Variants in BLNK observed in about 807,000 individuals in gnomAD.
BLNK encodes B cell linker, also known as B-cell linker protein.
In BLNK, 29 loss-of-function variants were observed where a neutral mutation model predicts 73.5. That is an observed-to-expected ratio of 0.39 (90% CI 0.29 to 0.54). The LOEUF is 0.54. Ranked by LOEUF, BLNK falls within the 20% of genes least tolerant of loss-of-function variation. The probability of loss-of-function intolerance (pLI) is 0.61; values close to 1 mark genes in which losing one functional copy is unlikely to be tolerated. For synonymous variants in BLNK, 176 were observed against 200.8 expected, an observed-to-expected ratio of 0.88 and a Z score of 1.04; for missense variants, 460 against 562.8, an observed-to-expected ratio of 0.82 and a Z score of 1.85.
intron 4 of BLNK, among the ~76,000 whole-genome samples, chr10:96,228,473 T>C (rs994502764): frequency 6.6e-6 from 1 of 152,072 alleles, no homozygotes; most frequent in Non-Finnish European, 1.5e-5. Context: ...GCCAGGCTGG[T>C]CTCAAACTCC....
chr10:96,251,964 G>T (rs1426099056), intron 1 of BLNK, among the ~76,000 whole-genome samples: 5 of 152,248 alleles, frequency 3.3e-5, no homozygotes, highest in Non-Finnish European at 7.4e-5. Flanking sequence ...AGGGCTATTG[G>T]ACCACAACTG....
chr10:96,226,054 G>A lies in BLNK; in HGVS notation c.361+1356C>T, dbSNP rs117869654. Reference sequence around the variant, plus strand: ...AGATCATTCACCAAGTATGGTGGGTGGTGCACAGAGCCGAGTTGTGATGAG... The same window carrying A: ...AGATCATTCACCAAGTATGGTGGGTAGTGCACAGAGCCGAGTTGTGATGAG... On this transcript the variant is annotated intron_variant, in intron 5 of 16. Transcript: ENST00000224337. Among the ~76,000 whole-genome samples, 53 of 152,308 alleles carry A rather than the reference G, an allele frequency of 3.5e-4. No individual in the cohort carries two copies. In the East Asian group the frequency reaches 9.6e-3, roughly 28 times the overall value.
At chr10:96,243,746 T>C (rs587709118) in intron 2 of BLNK, among the ~76,000 whole-genome samples, 2 of 152,298 alleles carry the variant, frequency 1.3e-5, no homozygotes, top group South Asian at 4.1e-4. Flanking sequence ...AAATTGAAAT[T>C]ACATTTTAGA....
intron 4 of BLNK, among the ~76,000 whole-genome samples, chr10:96,229,653 G>GTTGTGT (rs1554903558): frequency 2.1e-5 from 1 of 48,072 alleles, no homozygotes; most frequent in Non-Finnish European, 4.2e-5. Context: ...TTTACATGTG[G>GTTGTGT]CTGTGTGTGT....
At chr10:96,242,226 TC>T (rs1842903332) in intron 3 of BLNK, among the ~76,000 whole-genome samples, 1 of 152,194 alleles carries the variant, frequency 6.6e-6, no homozygotes, top group Admixed American at 6.5e-5. Context: ...GTTTCCCCTT[TC>T]TCTTGGCTCG....
At chr10:96,251,771 T>C (rs1843295068) in intron 1 of BLNK, among the ~76,000 whole-genome samples, 1 of 152,236 alleles carries the variant, frequency 6.6e-6, no homozygotes. Flanking sequence ...TTGTTTTTAA[T>C]TTTCAAGCTT....
At chr10:96,221,369 G>A (rs1402011119) in intron 6 of BLNK, among the ~76,000 whole-genome samples, 1 of 152,176 alleles carries the variant, frequency 6.6e-6, no homozygotes, top group Non-Finnish European at 1.5e-5. Context: ...GCAGAGCAGG[G>A]TTAAACACTT....
intron 3 of BLNK, 108 bp from the exon 4 acceptor site, chr10:96,230,942 T>C: frequency 8.8e-7 from 1 of 1,130,160 alleles, no homozygotes; most frequent in South Asian, 1.3e-5. Flanking sequence ...TTGGGCTTTC[T>C]GGTGCCATAT....
intron 1 of BLNK, among the ~76,000 whole-genome samples, chr10:96,267,188 C>A (rs1261593742): frequency 6.6e-6 from 1 of 152,162 alleles, no homozygotes; most frequent in Non-Finnish European, 1.5e-5. Flanking sequence ...AGCATCAGAG[C>A]TGAGAGGGAC....
At chr10:96,232,973 C>A (rs192614409) in intron 3 of BLNK, among the ~76,000 whole-genome samples, 38 of 152,130 alleles carry the variant, frequency 2.5e-4, no homozygotes, top group Non-Finnish European at 3.5e-4. Flanking sequence ...GCCCAGCTAA[C>A]TTTTGTATTT....
intron 5 of BLNK, among the ~76,000 whole-genome samples, chr10:96,225,642 AT>A (rs1370370295): frequency 0.024 from 3,337 of 138,774 alleles, 40 homozygotes; most frequent in Non-Finnish European, 0.027. Flanking sequence ...GAAGAGTGTG[AT>A]TTTTTTTTTT....
intron 1 of BLNK, among the ~76,000 whole-genome samples, chr10:96,257,620 A>C (rs1406172076): frequency 6.6e-6 from 1 of 152,220 alleles, no homozygotes; most frequent in Admixed American, 6.5e-5. Context: ...ATTCATTTTG[A>C]TTTTTAAAAT....
At chr10:96,223,097 A>G (rs1172953511) in intron 6 of BLNK, among the ~76,000 whole-genome samples, 1 of 152,164 alleles carries the variant, frequency 6.6e-6, no homozygotes, top group Non-Finnish European at 1.5e-5. Context: ...AAGAGGCAAA[A>G]TGGCAGCGTT....
At chr10:96,262,639 G>A (rs1313884119) in intron 1 of BLNK, among the ~76,000 whole-genome samples, 1 of 152,132 alleles carries the variant, frequency 6.6e-6, no homozygotes, top group East Asian at 1.9e-4. Flanking sequence ...TATAAGACCA[G>A]CTCTGCTCTT....
chr10:96,204,294 C>T, intron 12 of BLNK: 1 of 718,162 alleles, frequency 1.4e-6, no homozygotes, highest in South Asian at 1.8e-5. Flanking sequence ...AGGAGGAAAT[C>T]TTGACTAAAG....
intron 1 of BLNK, among the ~76,000 whole-genome samples, chr10:96,249,570 C>T (rs143797389): frequency 1.1e-3 from 171 of 152,326 alleles, no homozygotes; most frequent in Middle Eastern, 3.4e-3. Context: ...ATTGCTCAAA[C>T]GTAAAATGGG....
chr10:96,270,386 T>G (rs1377803532), intron 1 of BLNK, among the ~76,000 whole-genome samples: 1 of 152,134 alleles, frequency 6.6e-6, no homozygotes, highest in Non-Finnish European at 1.5e-5. Context: ...CCCCTGAACA[T>G]TTGGCTAAGT....
chr10:96,200,885 T>C lies in BLNK; in HGVS notation c.1011+97A>G. The C allele has an allele frequency of 1.8e-6, 2 of 1,097,790 alleles. No individual in the cohort carries two copies. The highest frequency in any genetic ancestry group is 2.5e-5 in the South Asian group (2 of 80,404). 68.0% of individuals were successfully genotyped at this position (1,097,790 alleles called of 1,614,324 possible). A position where few individuals can be genotyped will look rare whatever the true frequency, so the allele number is the denominator to read the frequency against. On this transcript the variant is annotated intron_variant, in intron 14 of 16. Transcript: ENST00000224337. The surrounding 1 kb of genome is among the most constrained non-coding windows in gnomAD (Gnocchi z 4.3). ...TAATGATGTAAAATACAGTCTCTGT[T>C]CTCAAGGTTCACTCCAAATGTCTTC...
intron 1 of BLNK, among the ~76,000 whole-genome samples, chr10:96,263,173 T>C (rs1554913381): frequency 6.6e-6 from 1 of 152,244 alleles, no homozygotes; most frequent in Non-Finnish European, 1.5e-5. Flanking sequence ...GGCCCCTTGG[T>C]CGAAATTGTT....
Sources: gnomAD v4.1 joint callset for allele counts (sites outside exome capture counted in the v4.1 genomes callset) on GRCh38, gnomAD v4.1.1 for gene constraint, Gnocchi (gnomAD v3.1) non-coding constraint, MANE v1.5 for transcripts, NCBI Gene and HGNC (gene_info 2026-07-23, HGNC 2026-07-21) for gene names.